DLG2: variants seen among roughly 807,000 people sequenced by gnomAD.
DLG2 encodes the protein disks large homolog 2.
DLG2 carries 45 observed loss-of-function variants against 132.5 expected under a neutral mutation model. The ratio of observed to expected loss-of-function variants is 0.34; its 90% CI spans 0.27 to 0.44. The LOEUF (loss-of-function observed/expected upper bound fraction) is 0.44. Among genes scored for constraint, DLG2 ranks in the 20% least tolerant of loss-of-function variants. DLG2 has a pLI of 1.00. For synonymous variants in DLG2, 424 were observed against 419.6 expected (o/e 1.01, Z -0.13); for missense variants, 1,045 against 1,196.9 (o/e 0.87, Z 1.87).
rs184186379 is a variant in DLG2, at chr11:84,081,153, G to A, written c.749+17770C>T. On this transcript the variant is annotated intron_variant, in intron 10 of 27. Transcript: ENST00000376104. ...ACTTTAATTATTAGCAGTATATTGT[G>A]GATTATATCTTGTGGCTCTGATGTC... 4.9e-4 allele frequency among the ~76,000 whole-genome samples: 75 copies of A among 152,144 alleles called. No individual in the cohort carries two copies. The East Asian group carries it at 0.014, about 27-fold the overall frequency.
chr11:85,615,767 A>G (rs1392707085), intron 2 of DLG2, among the ~76,000 whole-genome samples: 1 of 151,974 alleles, frequency 6.6e-6, no homozygotes, highest in Non-Finnish European at 1.5e-5. Context: ...GTTTTTTTTA[A>G]AAACACGCAT....
intron 8 of DLG2, among the ~76,000 whole-genome samples, chr11:84,217,280 T>G (rs1597645348): frequency 6.6e-6 from 1 of 152,316 alleles, no homozygotes; most frequent in East Asian, 1.9e-4. Context: ...AATTCTCATG[T>G]GTTGTTGGAG....
At chr11:84,327,111 T>C (rs1352230307) in intron 7 of DLG2, among the ~76,000 whole-genome samples, 1 of 148,372 alleles carries the variant, frequency 6.7e-6, no homozygotes, top group East Asian at 2.0e-4. Context: ...ATAATGAGAA[T>C]CTTTTTTTTT....
At chr11:85,439,513 C>T (rs1597360368) in intron 3 of DLG2, among the ~76,000 whole-genome samples, 1 of 152,048 alleles carries the variant, frequency 6.6e-6, no homozygotes, top group African/African-American at 2.4e-5. Context: ...GCACCCACCA[C>T]CACACCCGGC....
intron 6 of DLG2, among the ~76,000 whole-genome samples, chr11:84,569,367 A>G (rs2099471293): frequency 6.6e-6 from 1 of 152,182 alleles, no homozygotes; most frequent in African/African-American, 2.4e-5. Context: ...TCAAAAAGAA[A>G]CTAATACAGT....
chr11:83,781,663 A>G (rs899033678), intron 18 of DLG2, among the ~76,000 whole-genome samples: 3 of 152,122 alleles, frequency 2.0e-5, no homozygotes, highest in African/African-American at 7.2e-5. Context: ...CTCTCCAACA[A>G]TGTCCTGAGA....
At chr11:84,752,140 T>C (rs913693869) in intron 6 of DLG2, among the ~76,000 whole-genome samples, 1 of 152,192 alleles carries the variant, frequency 6.6e-6, no homozygotes, top group Non-Finnish European at 1.5e-5. Flanking sequence ...TCAGGTGGTT[T>C]GTATTCAAGT....
chr11:83,615,847 G>A (rs1032737166), intron 19 of DLG2, among the ~76,000 whole-genome samples: 1 of 152,178 alleles, frequency 6.6e-6, no homozygotes, highest in African/African-American at 2.4e-5. Context: ...TAAACTTCCA[G>A]AAAGAAACAC....
intron 6 of DLG2, among the ~76,000 whole-genome samples, chr11:84,856,099 T>G (rs2082748286): frequency 6.6e-6 from 1 of 152,136 alleles, no homozygotes; most frequent in African/African-American, 2.4e-5. Flanking sequence ...TTTTCATTAC[T>G]CATTACAAAG....
chr11:83,496,901 GT>G (rs1434441876), intron 21 of DLG2, among the ~76,000 whole-genome samples: 1 of 152,124 alleles, frequency 6.6e-6, no homozygotes, highest in Non-Finnish European at 1.5e-5. Context: ...TCAGGAGGTG[GT>G]TTTAGAAACT....
At chr11:85,149,724 A>G (rs938420212) in intron 5 of DLG2, among the ~76,000 whole-genome samples, 4 of 152,198 alleles carry the variant, frequency 2.6e-5, no homozygotes, top group Non-Finnish European at 4.4e-5. Context: ...AAAAAAATAT[A>G]TTAATATTGG....
intron 8 of DLG2, among the ~76,000 whole-genome samples, chr11:84,166,515 A>AAAGG (rs2095667389): frequency 7.0e-6 from 1 of 142,574 alleles, no homozygotes; most frequent in Non-Finnish European, 1.6e-5. Context: ...AAAAAAAAAA[A>AAAGG]AAAAAGAAAA....
At chr11:84,039,090 T>G (rs182835432) in intron 11 of DLG2, among the ~76,000 whole-genome samples, 7 of 152,160 alleles carry the variant, frequency 4.6e-5, no homozygotes, top group Non-Finnish European at 7.4e-5. Context: ...CCCACAATGT[T>G]TAGGTAATTT....
intron 9 of DLG2, among the ~76,000 whole-genome samples, chr11:84,142,303 G>T (rs1462117002): frequency 8.2e-6 from 1 of 121,570 alleles, no homozygotes; most frequent in African/African-American, 3.3e-5. Flanking sequence ...CCTGGAGACA[G>T]AGTGAGAATC....
At chr11:85,428,669 AAAG>A (rs1453605353) in intron 3 of DLG2, among the ~76,000 whole-genome samples, 1 of 152,240 alleles carries the variant, frequency 6.6e-6, no homozygotes, top group Non-Finnish European at 1.5e-5. Flanking sequence ...CCCACAAGAG[AAAG>A]AAGGAAAGAT....
intron 10 of DLG2, among the ~76,000 whole-genome samples, chr11:84,060,363 G>A (rs1373750673): frequency 6.6e-6 from 1 of 151,930 alleles, no homozygotes; most frequent in African/African-American, 2.4e-5. Flanking sequence ...TCAGCTTTCT[G>A]GCAAATTATC....
intron 3 of DLG2, among the ~76,000 whole-genome samples, chr11:85,463,917 A>C (rs948890367): frequency 1.3e-5 from 2 of 151,862 alleles, no homozygotes; most frequent in Non-Finnish European, 2.9e-5. Context: ...GCTACTACAC[A>C]GCAAGCACTA....
chr11:83,942,567 G>C (rs1378799645), intron 14 of DLG2, among the ~76,000 whole-genome samples: 1 of 152,124 alleles, frequency 6.6e-6, no homozygotes, highest in East Asian at 1.9e-4. Context: ...CATAAACTGA[G>C]CAATAGTTAT....
At chr11:84,318,367 G>A (rs938344047) in intron 7 of DLG2, among the ~76,000 whole-genome samples, 6 of 152,142 alleles carry the variant, frequency 3.9e-5, no homozygotes, top group Non-Finnish European at 8.8e-5. Flanking sequence ...ACATTACTAA[G>A]GAAATAATTT....
Sources: allele counts gnomAD v4.1 joint callset (sites outside exome capture counted in the v4.1 genomes callset), GRCh38; gene constraint gnomAD v4.1.1; transcripts MANE v1.5; gene names NCBI Gene and HGNC (gene_info 2026-07-23, HGNC 2026-07-21).